The following PAICS variants were observed in gnomAD, a reference collection of about 807,000 sequenced individuals.
PAICS encodes bifunctional phosphoribosylaminoimidazole carboxylase/phosphoribosylaminoimidazole succinocarboxamide synthetase.
In PAICS, 33 loss-of-function variants were observed where a neutral mutation model predicts 53.7. The ratio of observed to expected loss-of-function variants is 0.61; its 90% CI spans 0.47 to 0.82. The LOEUF (loss-of-function observed/expected upper bound fraction) is 0.82, where lower values mean the gene tolerates loss of function less well. PAICS is among the 40% of genes least tolerant of loss of function. The pLI is 0.00. For synonymous variants in PAICS, 141 were observed against 167.2 expected (o/e 0.84, Z 1.21); for missense variants, 394 against 494.1 (o/e 0.80, Z 1.92).
intron 7 of PAICS, 147 bp from the exon 8 acceptor site, chr4:56,453,456 T>G: frequency 2.1e-6 from 1 of 473,886 alleles, no homozygotes; most frequent in Non-Finnish European, 3.7e-6. Flanking sequence ...TGTGTAATAA[T>G]AGTATCTTTT....
chr4:56,463,956 C>T lies in PAICS; in HGVS notation c.*4418C>T, dbSNP rs1018186832. 3 of 151,040 alleles carry T rather than the reference C, an allele frequency of 2.0e-5. No individual in the cohort carries two copies. Among genetic ancestry groups the T allele is most frequent in the Non-Finnish European group, 4.4e-5 (3 of 68,046 alleles). 9.4% of individuals were successfully genotyped at this position (151,040 alleles called of 1,614,324 possible). On this transcript the variant is annotated 3_prime_UTR_variant, in exon 9 of 9. Transcript: ENST00000512576. ...TGAGCGTCATCTAATCCATTGAGGGCCTGAATAGAACAAAAAAGGGGAAGA... is the reference window on the plus strand; with the variant it reads ...TGAGCGTCATCTAATCCATTGAGGGTCTGAATAGAACAAAAAAGGGGAAGA...
chr4:56,453,714 C>G lies in PAICS; in HGVS notation c.1064C>G (p.Pro355Arg), dbSNP rs1226420719. 1 of 1,553,166 alleles carries G rather than the reference C, an allele frequency of 6.4e-7. No homozygotes were observed. The highest frequency in any genetic ancestry group is 1.2e-5 in the South Asian group (1 of 84,256). ...YPVISCPPLTPDWGVQDVWSS... is the reference protein window; with the variant it reads ...YPVISCPPLTRDWGVQDVWSS... ...GTTATCAGCTGTCCTCCCCTCACACCAGACTGGGGAGTTCAGGATGTGTGG... is the reference window on the plus strand; with the variant it reads ...GTTATCAGCTGTCCTCCCCTCACACGAGACTGGGGAGTTCAGGATGTGTGG... The change falls in exon 8 of 9, where the codon CCA (proline) becomes CGA (arginine). Residue 355 changes from proline to arginine, a missense_variant. Coordinates refer to ENST00000512576, the MANE Select transcript of PAICS (RefSeq NM_001079524.2).
At chr4:56,424,385 T>C in the PAICS span, among the ~76,000 whole-genome samples, 1 of 152,190 alleles carries the variant, frequency 6.6e-6, no homozygotes, top group South Asian at 2.1e-4. Flanking sequence ...CTGGAAACCG[T>C]AGCTAGGTTA....
At chr4:56,434,053 T>G (rs1391895661), upstream of PAICS, among the ~76,000 whole-genome samples, 1 of 152,204 alleles carries the variant, frequency 6.6e-6, no homozygotes, top group Non-Finnish European at 1.5e-5. Context: ...AGAGTTTACT[T>G]TCTCCTTGGA....
chr4:56,448,142 G>A (rs1718709679), intron 3 of PAICS, among the ~76,000 whole-genome samples: 1 of 151,466 alleles, frequency 6.6e-6, no homozygotes, highest in Admixed American at 6.6e-5. Context: ...CAAGTAGCTG[G>A]GATTACAGGT....
chr4:56,435,831 G>A (rs1297513276), upstream of PAICS: 4 of 1,503,786 alleles, frequency 2.7e-6, no homozygotes, highest in Admixed American at 1.8e-5. Flanking sequence ...CCCAACAGTA[G>A]CGTAATGGGA....
intron 3 of PAICS, among the ~76,000 whole-genome samples, chr4:56,447,874 A>T (rs919939412): frequency 6.6e-6 from 1 of 152,080 alleles, no homozygotes; most frequent in East Asian, 1.9e-4. Context: ...GTAAACAAAA[A>T]ATTTCTTTAG....
chr4:56,419,748 C>T, the PAICS span: 25 of 984,242 alleles, frequency 2.5e-5, no homozygotes, highest in Non-Finnish European at 2.9e-5. Context: ...AAGCATACAA[C>T]GACAACTAGA....
In PAICS at chr4:56,450,769, G is replaced by GA. The variant is rs376941844; in HGVS notation, c.771+76dup. 3.8e-3 allele frequency: 2,968 copies of GA among 780,018 alleles called. 3 individuals are homozygous for GA. The highest frequency in any genetic ancestry group is 9.3e-3 in the African/African-American group (516 of 55,716). 48.3% of individuals were successfully genotyped at this position (780,018 alleles called of 1,614,324 possible). A position where few individuals can be genotyped will look rare whatever the true frequency, so the allele number is the denominator to read the frequency against. On this transcript the variant is annotated intron_variant, in intron 6 of 8. Transcript: ENST00000512576. ...CTTCTAAGAAAATCTTGTTTCAAAA[G>GA]AAAAAAAAATGGGAGAGTATAGTGC...
rs76240425 is a variant in PAICS, at chr4:56,457,443, A to G, written c.1112-1929A>G. ...AATGTTTAAAAAGAAAAAAATTGCT[A>G]CAGTGCTTTAAAGAGGCAGTTACTC... On this transcript the variant is annotated intron_variant, in intron 8 of 8. Coordinates refer to ENST00000512576, the MANE Select transcript of PAICS (RefSeq NM_001079524.2). 3.6e-3 allele frequency among the ~76,000 whole-genome samples: 547 copies of G among 152,172 alleles called. 2 individuals carry two copies. The highest frequency in any genetic ancestry group is 0.012 in the African/African-American group (512 of 41,528).
chr4:56,413,545 T>A, the PAICS span, among the ~76,000 whole-genome samples: 1 of 152,230 alleles, frequency 6.6e-6, no homozygotes, highest in Non-Finnish European at 1.5e-5. Context: ...AGAATCACTG[T>A]CATGCAAAAT....
chr4:56,445,841 T>G (rs941126942), intron 2 of PAICS, among the ~76,000 whole-genome samples: 10 of 152,320 alleles, frequency 6.6e-5, no homozygotes, highest in Middle Eastern at 6.8e-3. Context: ...CCAGGAGATA[T>G]TTTAAATCAT....
chr4:56,455,605 C>A (rs983216165), intron 8 of PAICS, among the ~76,000 whole-genome samples: 5 of 152,066 alleles, frequency 3.3e-5, no homozygotes, highest in African/African-American at 1.2e-4. Context: ...AATTTTGATA[C>A]CTTGTGTATC....
At chr4:56,435,571 G>T, upstream of PAICS, 1 of 1,591,942 alleles carries the variant, frequency 6.3e-7, no homozygotes, top group Non-Finnish European at 8.6e-7. Flanking sequence ...TCAGAAGCTC[G>T]CGCTCGCGAC....
chr4:56,451,797 T>C (rs541712740), intron 6 of PAICS, 75 bp from the exon 7 acceptor site: 2 of 905,370 alleles, frequency 2.2e-6, no homozygotes, highest in East Asian at 5.5e-5. Context: ...CCAGATATAA[T>C]TTTACTACAA....
intron 3 of PAICS, 99 bp from the exon 4 acceptor site, chr4:56,448,319 C>G: frequency 1.2e-6 from 1 of 817,356 alleles, no homozygotes; most frequent in Non-Finnish European, 1.8e-6. Context: ...CTAAAAATTT[C>G]TAAGGAGTTC....
the PAICS span, chr4:56,410,582 GA>G: frequency 4.1e-6 from 4 of 985,874 alleles, no homozygotes; most frequent in East Asian, 3.4e-4. Flanking sequence ...TGTCTGGGCA[GA>G]AAAAAATATA....
In PAICS at chr4:56,462,367, A is replaced by G. The variant is rs1719548397; in HGVS notation, c.*2829A>G. ...CTACATCACTTAGGGCCTATAGGCC[A>G]CACTGAAGTGTGACAGGAAAAACTC... On this transcript the variant is annotated 3_prime_UTR_variant, in exon 9 of 9. Transcript: ENST00000512576. 1 of 152,254 alleles carries G rather than the reference A, an allele frequency of 6.6e-6. No homozygotes were observed. Among genetic ancestry groups the G allele is most frequent in the Non-Finnish European group, 1.5e-5 (1 of 68,052 alleles). The allele number at this position is 152,254 out of a possible 1,614,324, so 9.4% of individuals were successfully genotyped here. A position where few individuals can be genotyped will look rare whatever the true frequency, so the allele number is the denominator to read the frequency against.
At chr4:56,411,664 C>A in the PAICS span, among the ~76,000 whole-genome samples, 1 of 152,108 alleles carries the variant, frequency 6.6e-6, no homozygotes, top group Non-Finnish European at 1.5e-5. Flanking sequence ...CAGAATTATT[C>A]AAAAATCTGT....
Sources: gnomAD v4.1 joint callset for allele counts (sites outside exome capture counted in the v4.1 genomes callset) on GRCh38, gnomAD v4.1.1 for gene constraint, MANE v1.5 for transcripts, NCBI Gene and HGNC (gene_info 2026-07-23, HGNC 2026-07-21) for gene names.